Variants in KLF1 observed in about 807,000 individuals in gnomAD.
The protein encoded by KLF1 is Krueppel-like factor 1.
KLF1 carries 29 observed loss-of-function variants against 28.0 expected under a neutral mutation model. The observed-to-expected ratio is 1.04, with a 90% CI of 0.77 to 1.41. The LOEUF is 1.41. Ranked by LOEUF, KLF1 falls within the 40% of genes most tolerant of loss-of-function variation. The pLI, the probability that KLF1 is intolerant of heterozygous loss-of-function variation, is 0.00. For synonymous variants in KLF1, 262 were observed against 242.6 expected (o/e 1.08, Z -0.74); for missense variants, 508 against 515.1 (o/e 0.99, Z 0.13).
rs772917771 is a variant in KLF1 at position 12,885,952 on chromosome 19, G to A, written c.278C>T (p.Thr93Ile). ...GGCCTCGCTGGGCGCCAGAGCGCAG[G>A]TCTGGGGCGCGCCACCGGGCTCCGG... is the stretch of plus-strand genomic sequence containing the variant. ...SGPEPGGAPQTCALAPSEASG... is the reference protein window; with the variant it reads ...SGPEPGGAPQICALAPSEASG... The change falls in exon 2 of 3, where the codon ACC (threonine) becomes ATC (isoleucine). Residue 93 changes from threonine (T) to isoleucine (I), a missense_variant. Coordinates refer to ENST00000264834, the MANE Select transcript of KLF1 (RefSeq NM_006563.5). This position sits in a 1 kb window ranked among gnomAD's most constrained non-coding sequence, Gnocchi z 5.6. The A allele has an allele frequency of 1.9e-6, 3 of 1,571,206 alleles. No individual in the cohort carries two copies. The South Asian group carries it at 3.5e-5, about 18-fold the overall frequency.
In KLF1 at chr19:12,885,188, A is replaced by G; in HGVS notation, c.914-128T>C. 1.5e-6 allele frequency: 2 copies of G among 1,363,284 alleles called. No homozygotes were observed. The highest frequency in any genetic ancestry group is 2.0e-6 in the Non-Finnish European group (2 of 993,212). The allele number at this position is 1,363,284 out of a possible 1,614,324, so 84.4% of individuals were successfully genotyped here. A position where few individuals can be genotyped will look rare whatever the true frequency, so the allele number is the denominator to read the frequency against. On this transcript the variant is annotated intron_variant, in intron 2 of 2. Coordinates refer to ENST00000264834, the MANE Select transcript of KLF1 (RefSeq NM_006563.5). This position sits in a 1 kb window ranked among gnomAD's most constrained non-coding sequence, Gnocchi z 5.6. ...ATGAACAAAGTGAGGCCCCTAGGGC[A>G]CAAAATTTAAGGAGGCACTCACTCT... is the stretch of plus-strand genomic sequence containing the variant.
chr19:12,885,772 A>T lies in KLF1; in HGVS notation c.458T>A (p.Leu153Gln), dbSNP rs1290568075. 1.3e-6 allele frequency: 2 copies of T among 1,533,400 alleles called. No homozygotes were observed. The highest frequency in any genetic ancestry group is 2.4e-5 in the South Asian group (2 of 82,316). The allele number at this position is 1,533,400 out of a possible 1,614,324, so 95.0% of individuals were successfully genotyped here. A position where few individuals can be genotyped will look rare whatever the true frequency, so the allele number is the denominator to read the frequency against. The stretch of plus-strand genomic sequence containing the variant: ...GGGCTCGGGGGCCGGGGCTGGAGCC[A>T]GGGCTGGGCCCACGAAGGCGTCGGG... ...RAPDAFVGPA[L>Q]APAPAPEPKA... The change falls in exon 2 of 3, where the codon CTG becomes CAG. Residue 153 changes from leucine to glutamine, a missense_variant. Transcript: ENST00000264834. This position sits in a 1 kb window ranked among gnomAD's most constrained non-coding sequence, Gnocchi z 5.6.
chr19:12,886,084 G>C lies in KLF1; in HGVS notation c.146C>G (p.Pro49Arg), dbSNP rs1363685580. The C allele has an allele frequency of 6.2e-7, 1 of 1,608,350 alleles. No homozygotes were observed. The highest frequency in any genetic ancestry group is 1.3e-5 in the African/African-American group (1 of 74,878). Residue 49 changes from proline to arginine, a missense_variant, in exon 2 of 3, where the codon CCG becomes CGG. Physicochemically the swap from Pro to Arg is moderately radical, Grantham distance 103. Coordinates refer to ENST00000264834, the MANE Select transcript of KLF1 (RefSeq NM_006563.5). ...MGPGPPDPTE[P>R]PLHVKSEDQP... ...GTCCTCAGACTTCACGTGGAGGGGC[G>C]GCTCCGTGGGGTCAGGAGGACCCGG...
rs1449195892 is a variant in KLF1 at position 12,885,460 on chromosome 19, A to T, written c.770T>A (p.Val257Glu). 1.0e-5 allele frequency: 16 copies of T among 1,604,266 alleles called. No homozygotes were observed. The highest frequency in any genetic ancestry group is 1.3e-5 in the Non-Finnish European group (15 of 1,176,270). The part of the protein sequence containing the change: ...GLGGTAEDPG[V>E]IAETAPSKRG... ...CTTGGATGGCGCGGTCTCGGCTATC[A>T]CACCTGGATCCTCTGCAGTCCCCCC... Residue 257 changes from valine to glutamate, a missense_variant, in exon 2 of 3, where the codon GTG (valine) becomes GAG (glutamate). By Grantham distance (121) the Val-to-Glu change is moderately radical. Transcript: ENST00000264834. This position sits in a 1 kb window ranked among gnomAD's most constrained non-coding sequence, Gnocchi z 5.6.
Position 12,885,325 on chromosome 19 carries a change from G to C in KLF1, c.905C>G (p.Thr302Arg). 1 of 1,586,932 alleles carries C rather than the reference G, an allele frequency of 6.3e-7. No individual in the cohort carries two copies. Among genetic ancestry groups the C allele is most frequent in the African/African-American group, 1.3e-5 (1 of 74,462 alleles). ...GGGCCCCGCCCCCTCACCTGTGTGC[G>C]TGCGCAGATGCGCCTTCAGGTGGGA... is the stretch of plus-strand genomic sequence containing the variant. ...KSSHLKAHLR[T>R]HTGEKPYACT... is the part of the protein sequence containing the mutation. The change falls in exon 2 of 3, where the codon ACG becomes AGG. Residue 302 changes from threonine to arginine, a missense_variant. Transcript: ENST00000264834. This position sits in a 1 kb window ranked among gnomAD's most constrained non-coding sequence, Gnocchi z 5.6.
chr19:12,884,745 G>T lies in KLF1; in HGVS notation c.*140C>A. ...GTGTTTGATATTTGGGTGGATCTTT[G>T]GGAACGCGAGTCCAGGAGAGGGTCC... is the stretch of plus-strand genomic sequence containing the variant. On this transcript the variant is annotated 3_prime_UTR_variant, in exon 3 of 3. Coordinates refer to ENST00000264834, the MANE Select transcript of KLF1 (RefSeq NM_006563.5). 2.2e-6 allele frequency: 2 copies of T among 889,226 alleles called. No individual in the cohort carries two copies. The highest frequency in any genetic ancestry group is 1.4e-5 in the South Asian group (1 of 69,410). 55.1% of individuals were successfully genotyped at this position (889,226 alleles called of 1,614,324 possible).
At position 12,887,066 on chromosome 19, in the gene KLF1, A is replaced by G. The variant is rs1970457520; in HGVS notation, c.75T>C (p.Asp25=). 6.2e-7 allele frequency: 1 copy of G among 1,613,918 alleles called. No homozygotes were observed. Among genetic ancestry groups the G allele is most frequent in the Non-Finnish European group, 8.5e-7 (1 of 1,179,988 alleles). The change falls in exon 1 of 3, where the codon GAT becomes GAC. Residue 25 remains aspartate (D), a synonymous_variant. Transcript: ENST00000264834. The surrounding 1 kb of genome is among the most constrained non-coding windows in gnomAD (Gnocchi z 4.7). ...TTCTAGGCCCCACCTTGAGGAAGTC[A>G]TCCTGTGTGTCCGGGAAGGGGCCCA... The part of the protein sequence containing the change: ...TALGPFPDTQ[D]DFLKWWRSEE...
In KLF1 at chr19:12,885,897, C is replaced by A. The variant is rs906707543; in HGVS notation, c.333G>T (p.Glu111Asp). 1 of 1,551,794 alleles carries A rather than the reference C, an allele frequency of 6.4e-7. No homozygotes were observed. Among genetic ancestry groups the A allele is most frequent in the Non-Finnish European group, 8.7e-7 (1 of 1,147,704 alleles). The change falls in exon 2 of 3, where the codon GAG becomes GAT. Residue 111 changes from glutamate to aspartate, a missense_variant. Coordinates refer to ENST00000264834, the MANE Select transcript of KLF1 (RefSeq NM_006563.5). This position sits in a 1 kb window ranked among gnomAD's most constrained non-coding sequence, Gnocchi z 5.6. Reference sequence around the variant, plus strand: ...GGCCGCCAGCATATGCGCCCAGAGTCTCGGGCGGCGGCGGATATTGCGCCC... The same window carrying A: ...GGCCGCCAGCATATGCGCCCAGAGTATCGGGCGGCGGCGGATATTGCGCCC... ...ASGAQYPPPP[E>D]TLGAYAGGPG... is the part of the protein sequence containing the mutation.
chr19:12,885,479 TC>T lies in KLF1; in HGVS notation c.750del (p.Thr251LeufsTer7). 2 of 1,601,472 alleles carry T rather than the reference TC, an allele frequency of 1.2e-6. No individual in the cohort carries two copies. The highest frequency in any genetic ancestry group is 1.7e-5 in the Admixed American group (1 of 58,240). On this transcript the variant is annotated frameshift_variant, in exon 2 of 3. Coordinates refer to ENST00000264834, the MANE Select transcript of KLF1 (RefSeq NM_006563.5). LOFTEE classifies it high-confidence loss of function. The surrounding 1 kb of genome is among the most constrained non-coding windows in gnomAD (Gnocchi z 5.6). ...GPGTVGTGLG[G>X]TAEDPGVIAE... ...GCTATCACACCTGGATCCTCTGCAG[TC>T]CCCCCGAGTCCAGTGCCCACCGTCC...
Position 12,885,351 on chromosome 19 carries a change from G to GC in KLF1, c.878dup (p.Ser293ArgfsTer60). The GC allele has an allele frequency of 6.2e-7, 1 of 1,601,394 alleles. No homozygotes were observed. The highest frequency in any genetic ancestry group is 8.5e-7 in the Non-Finnish European group (1 of 1,174,374). ...TGCGCAGATGCGCCTTCAGGTGGGA[G>GC]CTCTTGGTGTAGCTCTTGCCGCAAC... On this transcript the variant is annotated frameshift_variant, in exon 2 of 3. Coordinates refer to ENST00000264834, the MANE Select transcript of KLF1 (RefSeq NM_006563.5). LOFTEE classifies it high-confidence loss of function. The surrounding 1 kb of genome is among the most constrained non-coding windows in gnomAD (Gnocchi z 5.6).
chr19:12,884,756 T>C lies in KLF1; in HGVS notation c.*129A>G. The C allele has an allele frequency of 1.0e-6, 1 of 992,362 alleles. No homozygotes were observed. Among genetic ancestry groups the C allele is most frequent in the Non-Finnish European group, 1.5e-6 (1 of 647,004 alleles). 61.5% of individuals were successfully genotyped at this position (992,362 alleles called of 1,614,324 possible). The stretch of plus-strand genomic sequence containing the variant: ...TTGGGTGGATCTTTGGGAACGCGAG[T>C]CCAGGAGAGGGTCCATTCGTGGGAA... On this transcript the variant is annotated 3_prime_UTR_variant, in exon 3 of 3. Transcript: ENST00000264834.
In KLF1 at chr19:12,886,023, C is replaced by G; in HGVS notation, c.207G>C (p.Ala69=). The G allele has an allele frequency of 2.5e-6, 4 of 1,603,642 alleles. No homozygotes were observed. Among genetic ancestry groups the G allele is most frequent in the East Asian group, 2.3e-5 (1 of 44,306 alleles). The change falls in exon 2 of 3, where the codon GCG becomes GCC. Residue 69 remains alanine (A), a synonymous_variant. Coordinates refer to ENST00000264834, the MANE Select transcript of KLF1 (RefSeq NM_006563.5). ...PGEEEDDERG[A]DATWDLDLLL... Reference sequence around the variant, plus strand: ...GGAGATCCAGGTCCCAGGTGGCGTCCGCGCCCCTCTCATCGTCCTCTTCCT... The same window carrying G: ...GGAGATCCAGGTCCCAGGTGGCGTCGGCGCCCCTCTCATCGTCCTCTTCCT...
At position 12,885,072 on chromosome 19, in the gene KLF1, G is replaced by A. The variant is rs536968861; in HGVS notation, c.914-12C>T. Reference sequence around the variant, plus strand: ...GTATGGCTTCTCCCCTAGGGGACAAGGAAGCCATAAGCGCCACTGTCTGCC... The same window carrying A: ...GTATGGCTTCTCCCCTAGGGGACAAAGAAGCCATAAGCGCCACTGTCTGCC... On this transcript the variant is annotated splice_polypyrimidine_tract_variant and intron_variant, in intron 2 of 2. Transcript: ENST00000264834. The surrounding 1 kb of genome is among the most constrained non-coding windows in gnomAD (Gnocchi z 5.6). 149 of 1,602,128 alleles carry A rather than the reference G, an allele frequency of 9.3e-5. 1 individual carries two copies. The South Asian group carries it at 1.5e-3, about 16-fold the overall frequency.
chr19:12,885,622 T>C lies in KLF1; in HGVS notation c.608A>G (p.Tyr203Cys). 6.4e-7 allele frequency: 1 copy of C among 1,550,802 alleles called. No individual in the cohort carries two copies. Among genetic ancestry groups the C allele is most frequent in the South Asian group, 1.2e-5 (1 of 84,186 alleles). Residue 203 changes from tyrosine to cysteine, a missense_variant, in exon 2 of 3, where the codon TAC becomes TGC. Coordinates refer to ENST00000264834, the MANE Select transcript of KLF1 (RefSeq NM_006563.5). This position sits in a 1 kb window ranked among gnomAD's most constrained non-coding sequence, Gnocchi z 5.6. ...SGAPYGLLSG[Y>C]PAMYPAPQYQ... is the part of the protein sequence containing the mutation. ...CTGAGGCGCCGGGTACATCGCGGGG[T>C]ACCCGGACAGTAGCCCGTAGGGGGC...
In KLF1 at chr19:12,887,006, G is replaced by T. The variant is rs1970456670; in HGVS notation, c.87+48C>A. On this transcript the variant is annotated intron_variant, in intron 1 of 2. Transcript: ENST00000264834. This position sits in a 1 kb window ranked among gnomAD's most constrained non-coding sequence, Gnocchi z 4.7. Reference sequence around the variant, plus strand: ...CTGGACCCCAAGATCTGTGACTGTGGCCCTGGATTCCAGCCAGCCCACCTA... The same window carrying T: ...CTGGACCCCAAGATCTGTGACTGTGTCCCTGGATTCCAGCCAGCCCACCTA... 1.3e-6 allele frequency: 2 copies of T among 1,576,418 alleles called. No individual in the cohort carries two copies. The highest frequency in any genetic ancestry group is 1.3e-5 in the African/African-American group (1 of 74,148).
intron 1 of KLF1, among the ~76,000 whole-genome samples, 189 bp from the exon 2 acceptor site, chr19:12,886,331 A>C (rs147414568): frequency 5.5e-4 from 83 of 152,200 alleles, no homozygotes; most frequent in African/African-American, 1.9e-3. Flanking sequence ...CTCCAGGGAC[A>C]GAAACCGATC....
In KLF1 at chr19:12,885,302, G is replaced by A. The variant is rs1430292567; in HGVS notation, c.913+15C>T. On this transcript the variant is annotated intron_variant, in intron 2 of 2. Coordinates refer to ENST00000264834, the MANE Select transcript of KLF1 (RefSeq NM_006563.5). The surrounding 1 kb of genome is among the most constrained non-coding windows in gnomAD (Gnocchi z 5.6). ...CGCCGCGCCCTTTCTCATGTCCGGG[G>A]CCCCGCCCCCTCACCTGTGTGCGTG... 2 of 1,562,120 alleles carry A rather than the reference G, an allele frequency of 1.3e-6. No homozygotes were observed. The highest frequency in any genetic ancestry group is 1.4e-5 in the African/African-American group (1 of 73,686).
Position 12,885,684 on chromosome 19 carries a change from GAAGTAGCC to G in KLF1, c.538_545del (p.Gly180ProfsTer170). On this transcript the variant is annotated frameshift_variant, in exon 2 of 3. Transcript: ENST00000264834. LOFTEE classifies it high-confidence loss of function. This position sits in a 1 kb window ranked among gnomAD's most constrained non-coding sequence, Gnocchi z 5.6. ...CAGGCACTGAAAGCCCGGTCCGCGG[GAAGTAGCC>G]ACCCGAGGAGCCGGCGCCGGGCCCC... 1 of 1,535,238 alleles carries G rather than the reference GAAGTAGCC, an allele frequency of 6.5e-7. No individual in the cohort carries two copies.
rs140252918 is a variant in KLF1, at chr19:12,884,991, C to A, written c.983G>T (p.Arg328Leu). The A allele has an allele frequency of 6.2e-7, 1 of 1,611,184 alleles. No individual in the cohort carries two copies. Among genetic ancestry groups the A allele is most frequent in the African/African-American group, 1.3e-5 (1 of 75,050 alleles). ...WRFARSDELT[R>L]HYRKHTGQRP... is the part of the protein sequence containing the mutation. ...CTGCCCCGTGTGTTTCCGGTAGTGGCGGGTCAGCTCGTCCGAGCGCGCGAA... is the reference window on the plus strand; with the variant it reads ...CTGCCCCGTGTGTTTCCGGTAGTGGAGGGTCAGCTCGTCCGAGCGCGCGAA... The change falls in exon 3 of 3, where the codon CGC becomes CTC. Residue 328 changes from arginine (R) to leucine (L), a missense_variant. Coordinates refer to ENST00000264834, the MANE Select transcript of KLF1 (RefSeq NM_006563.5).
Sources: allele counts gnomAD v4.1 joint callset (sites outside exome capture counted in the v4.1 genomes callset), GRCh38; gene constraint gnomAD v4.1.1; non-coding constraint Gnocchi (gnomAD v3.1); transcripts MANE v1.5; gene names NCBI Gene and HGNC (gene_info 2026-07-23, HGNC 2026-07-21).